Variants in MYCBP2 observed in about 807,000 individuals in gnomAD.
MYCBP2 encodes E3 ubiquitin-protein ligase MYCBP2.
MYCBP2 carries 120 observed loss-of-function variants against 525.3 expected under a neutral mutation model. The observed-to-expected ratio is 0.23, with a 90% CI of 0.20 to 0.27. The LOEUF (loss-of-function observed/expected upper bound fraction) is 0.27, where lower values mean the gene tolerates loss of function less well. Among genes scored for constraint, MYCBP2 ranks in the 10% least tolerant of loss-of-function variants. The probability of loss-of-function intolerance (pLI) is 1.00; values close to 1 mark genes in which losing one functional copy is unlikely to be tolerated. For synonymous variants in MYCBP2, 1,894 were observed against 1,955.8 expected, an observed-to-expected ratio of 0.97 and a Z score of 0.83; for missense variants, 4,149 against 5,657.1, an observed-to-expected ratio of 0.73 and a Z score of 8.55.
At chr13:77,077,086 T>G in intron 67 of MYCBP2, 62 bp downstream of exon 67, 1 of 1,545,886 alleles carries the variant, frequency 6.5e-7, no homozygotes, top group Non-Finnish European at 8.7e-7. Context: ...AATATTTTGT[T>G]ACACTCTTAA....
chr13:77,169,220 C>A lies in MYCBP2; in HGVS notation c.5895+394G>T, dbSNP rs1036618063. 8.0e-4 allele frequency among the ~76,000 whole-genome samples: 121 copies of A among 151,960 alleles called. 1 individual carries two copies. The highest frequency in any genetic ancestry group is 1.3e-3 in the Non-Finnish European group (90 of 67,918). On this transcript the variant is annotated intron_variant, in intron 39 of 82. Coordinates refer to ENST00000544440, the MANE Select transcript of MYCBP2 (RefSeq NM_015057.5). ...TCAGGAGATCGAGACCACGGTGAAACCCCGTCTCTACTAAAAATACAAAAA... is the reference window on the plus strand; with the variant it reads ...TCAGGAGATCGAGACCACGGTGAAAACCCGTCTCTACTAAAAATACAAAAA...
At position 77,201,539 on chromosome 13, in the gene MYCBP2, G is replaced by A. The variant is rs544250443; in HGVS notation, c.3843+3717C>T. Among the ~76,000 whole-genome samples, 207 of 151,820 alleles carry A rather than the reference G, an allele frequency of 1.4e-3. 4 individuals carry two copies. In the South Asian group the frequency reaches 0.014, roughly 10 times the overall value. ...AATTGAACTCAGCTCTGCACCAAGC[G>A]GACCTAATAGACATCTACAGAACTC... is the stretch of plus-strand genomic sequence containing the variant. On this transcript the variant is annotated intron_variant, in intron 26 of 82. Coordinates refer to ENST00000544440, the MANE Select transcript of MYCBP2 (RefSeq NM_015057.5).
At chr13:77,267,430 AAATT>A (rs1178597315) in intron 8 of MYCBP2, among the ~76,000 whole-genome samples, 1 of 151,288 alleles carries the variant, frequency 6.6e-6, no homozygotes, top group African/African-American at 2.4e-5. Flanking sequence ...AAATTAAATA[AAATT>A]AAATTAAATT....
At chr13:77,181,678 A>C in intron 33 of MYCBP2, 23 bp downstream of exon 33, 1 of 1,599,536 alleles carries the variant, frequency 6.3e-7, no homozygotes, top group Non-Finnish European at 8.6e-7. Flanking sequence ...CCTCTGTATA[A>C]AAGATTTCAG....
intron 26 of MYCBP2, among the ~76,000 whole-genome samples, chr13:77,203,913 T>G (rs1409709725): frequency 6.6e-6 from 1 of 151,912 alleles, no homozygotes; most frequent in African/African-American, 2.4e-5. Flanking sequence ...GATTAAAGAC[T>G]TAAACGTTAG....
At chr13:77,049,138 A>G (rs918878842) in intron 82 of MYCBP2, among the ~76,000 whole-genome samples, 2 of 152,106 alleles carry the variant, frequency 1.3e-5, no homozygotes, top group Non-Finnish European at 2.9e-5. Flanking sequence ...AGAGTCATCT[A>G]GAATACTGCC....
In MYCBP2 at chr13:77,078,803, TA is replaced by T. The variant is rs774092136; in HGVS notation, c.11484+20del. Reference sequence around the variant, plus strand: ...ATTTCTCTCTAGGTAGCGAAACATTTAATGACAAAATTTCAATTACCTGCTT... The same window carrying T: ...ATTTCTCTCTAGGTAGCGAAACATTTATGACAAAATTTCAATTACCTGCTT... On this transcript the variant is annotated intron_variant, in intron 66 of 82. Transcript: ENST00000544440. 6.2e-7 allele frequency: 1 copy of T among 1,608,732 alleles called. No individual in the cohort carries two copies. Among genetic ancestry groups the T allele is most frequent in the South Asian group, 1.1e-5 (1 of 90,898 alleles).
rs781249862 is a variant in MYCBP2 at position 77,098,682 on chromosome 13, T to C, written c.8472A>G (p.Pro2824=). Reference sequence around the variant, plus strand: ...TAGACCTATTGGCTGGGAGAGTCTTTGGCTTAGGAGATGACAACCGAGAAC... The same window carrying C: ...TAGACCTATTGGCTGGGAGAGTCTTCGGCTTAGGAGATGACAACCGAGAAC... ...GPGSRLSSPK[P]KTLPANRSSP... Residue 2824 remains proline, a synonymous_variant, in exon 56 of 83, where the codon CCA becomes CCG. Coordinates refer to ENST00000544440, the MANE Select transcript of MYCBP2 (RefSeq NM_015057.5). The C allele has an allele frequency of 3.7e-6, 6 of 1,613,490 alleles. No individual in the cohort carries two copies. The East Asian group carries it at 1.3e-4, about 36-fold the overall frequency.
In MYCBP2 at chr13:77,294,131, C is replaced by CATATATATATACAT. The variant is rs2077897877; in HGVS notation, c.378+2454_378+2467dup. 2.7e-4 allele frequency among the ~76,000 whole-genome samples: 18 copies of CATATATATATACAT among 65,712 alleles called. 1 individual carries two copies. Among genetic ancestry groups the CATATATATATACAT allele is most frequent in the Admixed American group, 6.1e-4 (3 of 4,924 alleles). 43.1% of individuals were successfully genotyped at this position (65,712 alleles called of 152,430 possible). A position where few individuals can be genotyped will look rare whatever the true frequency, so the allele number is the denominator to read the frequency against. ...ATATATATATATATATATATATATA[C>CATATATATATACAT]ATATATATATACATATATATAAAAT... is the stretch of plus-strand genomic sequence containing the variant. On this transcript the variant is annotated intron_variant, in intron 2 of 82. Transcript: ENST00000544440.
intron 17 of MYCBP2, among the ~76,000 whole-genome samples, chr13:77,233,704 C>T (rs1386389098): frequency 6.6e-6 from 1 of 151,994 alleles, no homozygotes; most frequent in Non-Finnish European, 1.5e-5. Flanking sequence ...TTTTAACAAG[C>T]TCTTCCAGGT....
chr13:77,112,591 G>T (rs1045658536), intron 55 of MYCBP2, among the ~76,000 whole-genome samples: 1 of 151,370 alleles, frequency 6.6e-6, no homozygotes, highest in African/African-American at 2.4e-5. Flanking sequence ...ATGCCCAGCT[G>T]ATCTTTAAAA....
intron 17 of MYCBP2, 62 bp downstream of exon 17, chr13:77,242,997 G>A (rs1325816568): frequency 7.3e-7 from 1 of 1,371,894 alleles, no homozygotes; most frequent in African/African-American, 1.4e-5. Context: ...ACTTTTCAGT[G>A]GTTTCAGGAT....
intron 66 of MYCBP2, among the ~76,000 whole-genome samples, chr13:77,078,197 G>A (rs1013528029): frequency 1.3e-5 from 2 of 152,076 alleles, no homozygotes; most frequent in Admixed American, 1.3e-4. Flanking sequence ...TTTATTATAT[G>A]TTTAGTCCAA....
chr13:77,153,064 C>CAAAA (rs34811244), intron 46 of MYCBP2, among the ~76,000 whole-genome samples: 8 of 78,906 alleles, frequency 1.0e-4, no homozygotes, highest in East Asian at 3.6e-4. Context: ...GACTCTGTCT[C>CAAAA]AAAAAAAAAA....
intron 49 of MYCBP2, among the ~76,000 whole-genome samples, chr13:77,143,278 G>A (rs1594875628): frequency 6.6e-6 from 1 of 152,186 alleles, no homozygotes; most frequent in East Asian, 1.9e-4. Flanking sequence ...AGTGTGAGTG[G>A]AGTAGGTGGA....
intron 59 of MYCBP2, among the ~76,000 whole-genome samples, chr13:77,090,870 CTATT>C: frequency 6.6e-6 from 1 of 152,152 alleles, no homozygotes; most frequent in South Asian, 2.1e-4. Context: ...AACAGCTTTT[CTATT>C]TATTAAAGCA....
intron 58 of MYCBP2, among the ~76,000 whole-genome samples, chr13:77,094,343 T>C (rs1425816584): frequency 1.3e-5 from 2 of 152,170 alleles, no homozygotes; most frequent in African/African-American, 4.8e-5. Flanking sequence ...AGGTCCAATA[T>C]ATGAAAACAG....
chr13:77,051,078 T>C lies in MYCBP2; in HGVS notation c.13840A>G (p.Thr4614Ala), dbSNP rs386352333. The C allele has an allele frequency of 6.2e-7, 1 of 1,613,334 alleles. No homozygotes were observed. Among genetic ancestry groups the C allele is most frequent in the Middle Eastern group, 1.7e-4 (1 of 6,002 alleles). Reference protein sequence around the residue: ...SVAVFFCFGTTHFCNACHDDF... With the variant: ...SVAVFFCFGTAHFCNACHDDF... ...TCATGACAAGCATTACAAAAATGTG[T>C]TGTTCCAAAACAGAAAAAAACAGCC... The change falls in exon 82 of 83, where the codon ACA becomes GCA. Residue 4614 changes from threonine (T) to alanine (A), a missense_variant. Thr to Ala is a moderately conservative substitution (Grantham distance 58, BLOSUM62 0). Around this residue, in one of 21 missense-constraint regions of MYCBP2, gnomAD observed 45 missense variants for 130.1 expected, o/e 0.35. Transcript: ENST00000544440.
At chr13:77,319,115 T>C (rs556313530) in intron 1 of MYCBP2, among the ~76,000 whole-genome samples, 1 of 152,258 alleles carries the variant, frequency 6.6e-6, no homozygotes, top group Admixed American at 6.5e-5. Flanking sequence ...GGAACGTGTG[T>C]GTGTGTGTGT....
Sources: gnomAD v4.1 joint callset for allele counts (sites outside exome capture counted in the v4.1 genomes callset) on GRCh38, gnomAD v4.1.1 for gene constraint, gnomAD v4.1.1 regional missense constraint, MANE v1.5 for transcripts, NCBI Gene and HGNC (gene_info 2026-07-23, HGNC 2026-07-21) for gene names.